TLK2: variants seen among roughly 807,000 people sequenced by gnomAD.
TLK2 encodes the protein tousled like kinase 2.
Under a neutral mutation model 117.3 loss-of-function variants are expected in TLK2, and 6 were observed. The observed-to-expected ratio is 0.05, with a 90% CI of 0.03 to 0.10. TLK2 has a LOEUF of 0.10. TLK2 is among the 10% of genes least tolerant of loss of function. The probability of loss-of-function intolerance (pLI) is 1.00; values close to 1 mark genes in which losing one functional copy is unlikely to be tolerated. For synonymous variants in TLK2, 257 were observed against 316.7 expected (o/e 0.81, Z 2.00); for missense variants, 299 against 901.2 (o/e 0.33, Z 8.56).
intron 18 of TLK2, among the ~76,000 whole-genome samples, chr17:62,601,137 A>C (rs574249040): frequency 2.5e-3 from 379 of 152,302 alleles, no homozygotes; most frequent in Middle Eastern, 6.8e-3. Flanking sequence ...CCTACTACAT[A>C]ACAGTCCCTC....
At chr17:62,560,643 G>C (rs2079187019) in intron 10 of TLK2, among the ~76,000 whole-genome samples, 1 of 151,068 alleles carries the variant, frequency 6.6e-6, no homozygotes, top group African/African-American at 2.4e-5. Flanking sequence ...CTGTTAATAG[G>C]TATTAGTAAC....
At chr17:62,573,478 C>G (rs1241253622) in intron 12 of TLK2, 111 bp downstream of exon 12, 2 of 1,405,232 alleles carry the variant, frequency 1.4e-6, no homozygotes, top group South Asian at 2.9e-5. Context: ...AGGTTTAAAC[C>G]TTCTTTTCAG....
intron 18 of TLK2, 76 bp downstream of exon 18, chr17:62,600,896 A>G (rs2082823926): frequency 7.1e-7 from 1 of 1,399,048 alleles, no homozygotes; most frequent in East Asian, 2.3e-5. Context: ...TGATAAAGTT[A>G]GAGAATTTCA....
At chr17:62,531,908 C>T (rs1001950549) in intron 6 of TLK2, among the ~76,000 whole-genome samples, 1 of 152,154 alleles carries the variant, frequency 6.6e-6, no homozygotes, top group African/African-American at 2.4e-5. Flanking sequence ...TTACCCTTTC[C>T]TTGAGAATGT....
intron 9 of TLK2, among the ~76,000 whole-genome samples, chr17:62,554,722 G>T (rs1161212422): frequency 6.6e-6 from 1 of 152,058 alleles, no homozygotes; most frequent in Non-Finnish European, 1.5e-5. Context: ...TTCTATAAAA[G>T]AATACAAAAT....
At chr17:62,566,056 G>C (rs1353309452) in intron 11 of TLK2, among the ~76,000 whole-genome samples, 4 of 152,126 alleles carry the variant, frequency 2.6e-5, no homozygotes, top group African/African-American at 9.7e-5. Flanking sequence ...GAAACATTCA[G>C]GTATTTATTC....
chr17:62,471,705 C>T (rs1024123435), intron 1 of TLK2, among the ~76,000 whole-genome samples: 206 of 152,024 alleles, frequency 1.4e-3, no homozygotes, highest in African/African-American at 4.9e-3. Context: ...TCCTAACTTC[C>T]CTGTGCTCTA....
At chr17:62,517,088 T>G (rs1387579787) in intron 2 of TLK2, among the ~76,000 whole-genome samples, 1 of 151,846 alleles carries the variant, frequency 6.6e-6, no homozygotes, top group Non-Finnish European at 1.5e-5. Context: ...GTATTTTTAG[T>G]AGAGGTTGGG....
intron 14 of TLK2, 83 bp from the exon 15 acceptor site, chr17:62,580,028 G>A (rs957147606): frequency 1.5e-5 from 15 of 1,000,918 alleles, no homozygotes; most frequent in African/African-American, 3.2e-5. Context: ...TATGTATAAT[G>A]TGTTAGATAT....
intron 11 of TLK2, among the ~76,000 whole-genome samples, chr17:62,569,301 C>CAA (rs2080071712): frequency 6.8e-6 from 1 of 146,452 alleles, no homozygotes. Context: ...GACTTCGTCT[C>CAA]CAAAAAAAAA....
intron 2 of TLK2, among the ~76,000 whole-genome samples, chr17:62,513,043 T>C (rs1377405540): frequency 6.6e-6 from 1 of 151,238 alleles, no homozygotes; most frequent in Non-Finnish European, 1.5e-5. Flanking sequence ...CATGCCCAGC[T>C]AACTTTTTGT....
intron 2 of TLK2, among the ~76,000 whole-genome samples, chr17:62,494,841 A>T (rs1455336368): frequency 6.6e-6 from 1 of 151,970 alleles, no homozygotes; most frequent in Non-Finnish European, 1.5e-5. Flanking sequence ...TAACTTGTTC[A>T]TTGTGTATTG....
intron 11 of TLK2, 168 bp from the exon 12 acceptor site, chr17:62,573,047 A>G (rs2080438414): frequency 1.5e-6 from 1 of 650,316 alleles, no homozygotes; most frequent in East Asian, 2.9e-5. Context: ...AACATCTATC[A>G]CCAATTATTT....
intron 6 of TLK2, among the ~76,000 whole-genome samples, chr17:62,534,905 T>TTG (rs2077005135): frequency 6.8e-6 from 1 of 146,486 alleles, no homozygotes; most frequent in Non-Finnish European, 1.5e-5. Flanking sequence ...TTTTTTTTTT[T>TTG]GGAGATAGAG....
upstream of TLK2, among the ~76,000 whole-genome samples, chr17:62,474,239 C>T (rs1264010015): frequency 1.3e-5 from 2 of 151,352 alleles, no homozygotes; most frequent in African/African-American, 2.4e-5. Flanking sequence ...CTGCCTTGCC[C>T]GGCTAATTTT....
intron 2 of TLK2, among the ~76,000 whole-genome samples, chr17:62,519,074 G>A (rs1464798854): frequency 6.6e-6 from 1 of 152,072 alleles, no homozygotes; most frequent in Non-Finnish European, 1.5e-5. Flanking sequence ...TGGTAGAGAT[G>A]GGGTTTCACC....
chr17:62,528,988 G>A lies in TLK2; in HGVS notation c.363+4657G>A, dbSNP rs191623642. On this transcript the variant is annotated intron_variant, in intron 6 of 21. Transcript: ENST00000346027. Reference sequence around the variant, plus strand: ...TTTTGTGGTAATCATTTTTGTTTTCGTGTAGTTTAAACTATCCATGTCTGA... The same window carrying A: ...TTTTGTGGTAATCATTTTTGTTTTCATGTAGTTTAAACTATCCATGTCTGA... Among the ~76,000 whole-genome samples, 364 of 152,184 alleles carry A rather than the reference G, an allele frequency of 2.4e-3. 2 individuals are homozygous for A. The highest frequency in any genetic ancestry group is 4.6e-3 in the African/African-American group (193 of 41,512).
chr17:62,568,451 A>G (rs1375031685), intron 11 of TLK2, among the ~76,000 whole-genome samples: 5 of 151,584 alleles, frequency 3.3e-5, no homozygotes, highest in African/African-American at 1.2e-4. Context: ...AAAAAAAAAA[A>G]GTAATGGGAT....
At chr17:62,579,985 T>C in intron 14 of TLK2, 126 bp from the exon 15 acceptor site, 1 of 664,790 alleles carries the variant, frequency 1.5e-6, no homozygotes, top group East Asian at 2.8e-5. Context: ...ATGTTGATGT[T>C]GATTGTCAAA....
Sources: gnomAD v4.1 joint callset for allele counts (sites outside exome capture counted in the v4.1 genomes callset) on GRCh38, gnomAD v4.1.1 for gene constraint, MANE v1.5 for transcripts, NCBI Gene and HGNC (gene_info 2026-07-23, HGNC 2026-07-21) for gene names.